XPO1: variants seen among roughly 807,000 people sequenced by gnomAD.
XPO1 encodes the protein exportin 1, also known as exportin-1.
XPO1 carries 5 observed loss-of-function variants against 133.3 expected under a neutral mutation model. The observed-to-expected ratio is 0.04, with a 90% CI of 0.02 to 0.08. The LOEUF (loss-of-function observed/expected upper bound fraction) is 0.08. Ranked by LOEUF, XPO1 falls within the 10% of genes least tolerant of loss-of-function variation. The pLI is 1.00. For missense variants in XPO1, 506 were observed against 1,267.5 expected, an observed-to-expected ratio of 0.40 and a Z score of 9.12; for synonymous variants, 419 against 408.2, an observed-to-expected ratio of 1.03 and a Z score of -0.32.
chr2:61,535,258 A>C (rs1368847144), intron 1 of XPO1, among the ~76,000 whole-genome samples: 1 of 152,194 alleles, frequency 6.6e-6, no homozygotes, highest in Non-Finnish European at 1.5e-5. Flanking sequence ...TGGGGGTCTA[A>C]GATGCCTGAG....
chr2:61,507,782 G>A (rs1573171207), intron 4 of XPO1, among the ~76,000 whole-genome samples: 1 of 152,134 alleles, frequency 6.6e-6, no homozygotes, highest in Non-Finnish European at 1.5e-5. Context: ...GGAGGCTGAG[G>A]CAGGAGAAGT....
intron 1 of XPO1, chr2:61,536,570 A>AG (rs1234705392): frequency 6.6e-6 from 1 of 152,304 alleles, no homozygotes; most frequent in African/African-American, 2.4e-5. Flanking sequence ...ACAAGGCGAA[A>AG]GACTGCTCCT....
intron 2 of XPO1, among the ~76,000 whole-genome samples, chr2:61,527,377 A>C (rs1480221346): frequency 6.6e-6 from 1 of 151,420 alleles, no homozygotes; most frequent in East Asian, 1.9e-4. Context: ...AGTCCTAACT[A>C]CTCAGGAGAC....
At chr2:61,521,947 A>G (rs1698714156) in intron 4 of XPO1, among the ~76,000 whole-genome samples, 2 of 152,172 alleles carry the variant, frequency 1.3e-5, no homozygotes, top group South Asian at 4.2e-4. Context: ...TTGTAAACAC[A>G]GGGTCTCGCT....
chr2:61,501,728 A>AAAAAAAAAAAAAAGAAAAAAAAAG (rs1558649299), intron 6 of XPO1, among the ~76,000 whole-genome samples: 3 of 138,252 alleles, frequency 2.2e-5, no homozygotes, highest in African/African-American at 8.2e-5. Flanking sequence ...CTCCAAAAAA[A>AAAAAAAAAAAAAAGAAAAAAAAAG]AAAAAAAAAG....
intron 4 of XPO1, among the ~76,000 whole-genome samples, chr2:61,519,308 G>A (rs184420779): frequency 3.1e-4 from 47 of 152,116 alleles, no homozygotes; most frequent in East Asian, 2.9e-3. Flanking sequence ...ATACAGTAAC[G>A]TATAACACAG....
intron 4 of XPO1, among the ~76,000 whole-genome samples, chr2:61,521,342 A>G (rs1479339961): frequency 6.6e-6 from 1 of 152,192 alleles, no homozygotes; most frequent in Non-Finnish European, 1.5e-5. Flanking sequence ...ACAATACTTA[A>G]AAGACAAATA....
intron 4 of XPO1, among the ~76,000 whole-genome samples, chr2:61,502,984 G>C (rs1209723101): frequency 1.1e-5 from 1 of 94,508 alleles, no homozygotes; most frequent in South Asian, 3.3e-4. Context: ...TTTTTTTTTT[G>C]AGACGGAGTC....
intron 4 of XPO1, among the ~76,000 whole-genome samples, chr2:61,514,800 C>T (rs191706386): frequency 3.3e-4 from 50 of 151,992 alleles, no homozygotes; most frequent in African/African-American, 1.1e-3. Context: ...ATGGGCTGGG[C>T]GCAGTGGCTT....
chr2:61,494,222 A>C (rs1028582697), intron 11 of XPO1, 131 bp from the exon 12 acceptor site: 2 of 835,024 alleles, frequency 2.4e-6, no homozygotes, highest in Admixed American at 3.0e-5. Context: ...TTCAATACTT[A>C]TCAAATAGAC....
chr2:61,495,446 A>T lies in XPO1; in HGVS notation c.1047+9T>A. On this transcript the variant is annotated intron_variant, in intron 11 of 24. Coordinates refer to ENST00000401558, the MANE Select transcript of XPO1 (RefSeq NM_003400.4). ...AGAATTTTAGGAGCAAAAGCTCCAC[A>T]TATCTTACCTCCATAAGAGTTTCCC... 6.6e-7 allele frequency: 1 copy of T among 1,521,906 alleles called. No homozygotes were observed. The allele number at this position is 1,521,906 out of a possible 1,614,324, so 94.3% of individuals were successfully genotyped here.
Position 61,479,996 on chromosome 2 carries a change from C to G in XPO1, c.3070-1030G>C, listed in dbSNP as rs181392353. Among the ~76,000 whole-genome samples the G allele has an allele frequency of 1.1e-4, 17 of 152,252 alleles. No individual in the cohort carries two copies. In the East Asian group the frequency reaches 1.9e-3, roughly 17 times the overall value. On this transcript the variant is annotated intron_variant, in intron 24 of 24. Transcript: ENST00000401558. ...TCTCCTGCCTCTGCCTCCCGAGTAG[C>G]TGGGACTACAGGCACCTGCCACCAG...
chr2:61,505,778 G>A (rs574106311), intron 4 of XPO1, among the ~76,000 whole-genome samples: 5 of 152,024 alleles, frequency 3.3e-5, no homozygotes, highest in Middle Eastern at 3.4e-3. Context: ...AGGCCATCTC[G>A]AACTCCTGAC....
chr2:61,485,652 A>G, intron 20 of XPO1, 116 bp downstream of exon 20: 1 of 970,558 alleles, frequency 1.0e-6, no homozygotes, highest in Non-Finnish European at 1.5e-6. Context: ...ATACAAGTTT[A>G]AATATTTAAA....
At chr2:61,490,556 T>TTAAAA in intron 17 of XPO1, 86 bp downstream of exon 17, 1 of 1,566,706 alleles carries the variant, frequency 6.4e-7, no homozygotes, top group East Asian at 2.2e-5. Flanking sequence ...CACATACATG[T>TTAAAA]TAAAAGGCTT....
chr2:61,485,481 C>CCG (rs1553402621), intron 20 of XPO1: 2,518 of 166,982 alleles, frequency 0.015, 117 homozygotes, highest in African/African-American at 0.056. Flanking sequence ...TGACCCCCCC[C>CCG]CCCACTTCAG....
At position 61,488,158 on chromosome 2, in the gene XPO1, CACTT is replaced by C. The variant is rs751338344; in HGVS notation, c.2313+3_2313+6del. 10 of 1,612,122 alleles carry C rather than the reference CACTT, an allele frequency of 6.2e-6. No homozygotes were observed. Among genetic ancestry groups the C allele is most frequent in the South Asian group, 1.1e-5 (1 of 91,024 alleles). ...TAGAAATCAAAAGCAAAGCATCTCT[CACTT>C]ACCATCTGTGGATCATTGGATCGGC... On this transcript the variant is annotated splice_donor_5th_base_variant and intron_variant, in intron 19 of 24. Coordinates refer to ENST00000401558, the MANE Select transcript of XPO1 (RefSeq NM_003400.4).
Position 61,495,383 on chromosome 2 carries a change from A to AG in XPO1, c.1047+71dup, listed in dbSNP as rs918380475. 5 of 906,414 alleles carry AG rather than the reference A, an allele frequency of 5.5e-6. No individual in the cohort carries two copies. In the African/African-American group the frequency reaches 1.3e-4, roughly 23 times the overall value. The allele number at this position is 906,414 out of a possible 1,614,324, so 56.1% of individuals were successfully genotyped here. On this transcript the variant is annotated intron_variant, in intron 11 of 24. Coordinates refer to ENST00000401558, the MANE Select transcript of XPO1 (RefSeq NM_003400.4). ...AAATCTCAAAAGGTACATACATTTT[A>AG]GAAAAAGGCACTTTTAAGAGTTATT...
At chr2:61,495,813 G>GT (rs1697215435) in intron 10 of XPO1, among the ~76,000 whole-genome samples, 200 bp from the exon 11 acceptor site, 1 of 151,956 alleles carries the variant, frequency 6.6e-6, no homozygotes, top group Non-Finnish European at 1.5e-5. Context: ...GGAACCACAG[G>GT]TATGTGCCAT....
Sources: allele counts gnomAD v4.1 joint callset (sites outside exome capture counted in the v4.1 genomes callset), GRCh38; gene constraint gnomAD v4.1.1; transcripts MANE v1.5; gene names NCBI Gene and HGNC (gene_info 2026-07-23, HGNC 2026-07-21).